The following SLC50A1 variants were observed in gnomAD, a reference collection of about 807,000 sequenced individuals.
The protein encoded by SLC50A1 is sugar transporter SWEET1.
A neutral mutation model predicts 28.9 loss-of-function variants in SLC50A1; 22 were observed. That is an observed-to-expected ratio of 0.76 (90% CI 0.54 to 1.09). SLC50A1 has a LOEUF of 1.09. SLC50A1 is among the 50% of genes least tolerant of loss of function. The pLI is 0.00. For synonymous variants in SLC50A1, 96 were observed against 110.6 expected (o/e 0.87, Z 0.83); for missense variants, 233 against 273.4 (o/e 0.85, Z 1.04).
rs1243845204 is a variant in SLC50A1, at chr1:155,136,876, C to T, written c.207C>T (p.Leu69=). The T allele has an allele frequency of 6.2e-7, 1 of 1,614,236 alleles. No homozygotes were observed. Among genetic ancestry groups the T allele is most frequent in the East Asian group, 2.2e-5 (1 of 44,888 alleles). The change falls in exon 3 of 6, where the codon CTC becomes CTT. Residue 69 remains leucine, a synonymous_variant. Coordinates refer to ENST00000368404, the MANE Select transcript of SLC50A1 (RefSeq NM_018845.4). ...GGGCTTTGAAGGGAGACGGGATCCT[C>T]ATCGTCGTCAACACAGTGGGTGCTG... is the stretch of plus-strand genomic sequence containing the variant. The part of the protein sequence containing the change: ...SYGALKGDGI[L]IVVNTVGAAL...
Position 155,136,121 on chromosome 1 carries a change from C to A in SLC50A1, c.80+130C>A. The A allele has an allele frequency of 2.1e-6, 2 of 940,358 alleles. 1 individual carries two copies. Among genetic ancestry groups the A allele is most frequent in the Non-Finnish European group, 2.8e-6 (2 of 708,446 alleles). 58.3% of individuals were successfully genotyped at this position (940,358 alleles called of 1,614,324 possible). On this transcript the variant is annotated intron_variant, in intron 1 of 5. Coordinates refer to ENST00000368404, the MANE Select transcript of SLC50A1 (RefSeq NM_018845.4). Reference sequence around the variant, plus strand: ...CAAAGTGGGATCGGGTCGAGGGGACCGGGGTACAAGGGCGAGGCTGGTCAC... The same window carrying A: ...CAAAGTGGGATCGGGTCGAGGGGACAGGGGTACAAGGGCGAGGCTGGTCAC...
rs750181706 is a variant in SLC50A1, at chr1:155,138,123, CAG to C, written c.564+26_564+27del. On this transcript the variant is annotated intron_variant, in intron 5 of 5. Coordinates refer to ENST00000368404, the MANE Select transcript of SLC50A1 (RefSeq NM_018845.4). ...GGTAAGCACAACTGGGATGGGGTGA[CAG>C]GGGTGCAAGATGGAAAACTGGCTCC... The C allele has an allele frequency of 3.3e-5, 53 of 1,614,164 alleles. 1 individual carries two copies. The South Asian group carries it at 5.5e-4, about 17-fold the overall frequency.
intron 1 of SLC50A1, 91 bp from the exon 2 acceptor site, chr1:155,136,208 T>C: frequency 9.7e-7 from 1 of 1,028,432 alleles, no homozygotes; most frequent in Non-Finnish European, 1.5e-6. Context: ...TCTGCGGTGG[T>C]CCGGAAAGGA....
Position 155,136,917 on chromosome 1 carries a change from A to G in SLC50A1, c.248A>G (p.Tyr83Cys), listed in dbSNP as rs1347521362. The change falls in exon 3 of 6, where the codon TAT becomes TGT. Residue 83 changes from tyrosine to cysteine, a missense_variant. Tyr to Cys is a radical substitution (Grantham distance 194). Transcript: ENST00000368404. ...NTVGAALQTL[Y>C]ILAYLHYCPR... ...GTGGGTGCTGCGCTTCAGACCCTGT[A>G]TATCTTGGCATATCTGCATTACTGC... 9 of 1,614,098 alleles carry G rather than the reference A, an allele frequency of 5.6e-6. No homozygotes were observed. The highest frequency in any genetic ancestry group is 7.6e-6 in the Non-Finnish European group (9 of 1,179,968).
At chr1:155,136,180 G>T (rs889824758) in intron 1 of SLC50A1, 119 bp from the exon 2 acceptor site, 17 of 865,364 alleles carry the variant, frequency 2.0e-5, no homozygotes, top group Non-Finnish European at 2.8e-5. Context: ...TAGCTGGCGG[G>T]GGGGAGAGGG....
At chr1:155,137,539 A>T (rs769146317) in intron 3 of SLC50A1, 22 bp from the exon 4 acceptor site, 1 of 1,613,216 alleles carries the variant, frequency 6.2e-7, no homozygotes, top group Admixed American at 1.7e-5. Context: ...ATCTGGAAGT[A>T]AGGGTACTCT....
rs1335929079 is a variant in SLC50A1 at position 155,138,535 on chromosome 1, C to A, written c.*254C>A. ...GTTGGGGTGCAATCTTTAGAATATG[C>A]CTTAAAAGGCCGGGCGCGGTGGCTC... is the stretch of plus-strand genomic sequence containing the variant. On this transcript the variant is annotated 3_prime_UTR_variant, in exon 6 of 6. Coordinates refer to ENST00000368404, the MANE Select transcript of SLC50A1 (RefSeq NM_018845.4). The A allele has an allele frequency of 4.2e-6, 2 of 479,416 alleles. No individual in the cohort carries two copies. The highest frequency in any genetic ancestry group is 3.6e-5 in the East Asian group (1 of 27,424). The allele number at this position is 479,416 out of a possible 1,614,324, so 29.7% of individuals were successfully genotyped here. A position where few individuals can be genotyped will look rare whatever the true frequency, so the allele number is the denominator to read the frequency against.
rs751851099 is a variant in SLC50A1, at chr1:155,136,299, C to T, written c.81C>T (p.Leu27=). The T allele has an allele frequency of 1.9e-6, 3 of 1,605,716 alleles. No homozygotes were observed. Among genetic ancestry groups the T allele is most frequent in the Non-Finnish European group, 2.6e-6 (3 of 1,175,836 alleles). The change falls in exon 2 of 6, where the codon CTC becomes CTT. Residue 27 remains leucine, a splice_region_variant and synonymous_variant. Coordinates refer to ENST00000368404, the MANE Select transcript of SLC50A1 (RefSeq NM_018845.4). ...CCCTCCCTTCGGGGCCCCATTACAG[C>T]TCGGACCTCAGGCACATGCGAATGA... ...VFTLGMFSAG[L]SDLRHMRMTR...
At chr1:155,136,648 C>T in intron 2 of SLC50A1, 180 bp from the exon 3 acceptor site, 1 of 904,120 alleles carries the variant, frequency 1.1e-6, no homozygotes, top group Non-Finnish European at 1.6e-6. Context: ...GAGGCTGAGG[C>T]AGGAGAATGG....
chr1:155,135,406 G>C, upstream of SLC50A1: 1 of 575,082 alleles, frequency 1.7e-6, no homozygotes, highest in Non-Finnish European at 3.0e-6. Context: ...TTGAGAAAAA[G>C]CTTCGGCAGC....
rs1664410090 is a variant in SLC50A1, at chr1:155,135,857, C to G, written c.-55C>G. 1 of 1,610,384 alleles carries G rather than the reference C, an allele frequency of 6.2e-7. No individual in the cohort carries two copies. ...CCGCAGGTCTGGGCTGCAGTAGGTC[C>G]CGGCAACCGCAGGCTCGCGGCGGGC... On this transcript the variant is annotated 5_prime_UTR_variant, in exon 1 of 6. Transcript: ENST00000368404.
chr1:155,135,691 G>A (rs12726330), upstream of SLC50A1: 21,255 of 1,550,288 alleles, frequency 0.014, 229 homozygotes, highest in Non-Finnish European at 0.015. Flanking sequence ...GTCTGGACCA[G>A]GGTACTGGGA....
At chr1:155,135,654 A>T (rs1347427636), upstream of SLC50A1, 7 of 1,550,364 alleles carry the variant, frequency 4.5e-6, no homozygotes, top group Non-Finnish European at 6.1e-6. Flanking sequence ...GAGCCCTAGG[A>T]AGGGGACTGA....
At chr1:155,136,430 C>G in intron 2 of SLC50A1, 54 bp downstream of exon 2, 46 of 1,384,834 alleles carry the variant, frequency 3.3e-5, no homozygotes, top group Middle Eastern at 1.8e-4. Context: ...GAGGTGGGGG[C>G]GGGGCAGGAG....
In SLC50A1 at chr1:155,136,293, T is replaced by G; in HGVS notation, c.81-6T>G. The G allele has an allele frequency of 7.7e-7, 1 of 1,294,144 alleles. No individual in the cohort carries two copies. Among genetic ancestry groups the G allele is most frequent in the African/African-American group, 1.5e-5 (1 of 68,806 alleles). The allele number at this position is 1,294,144 out of a possible 1,614,324, so 80.2% of individuals were successfully genotyped here. ...CCCCACCCCTCCCTTCGGGGCCCCATTACAGCTCGGACCTCAGGCACATGC... is the reference window on the plus strand; with the variant it reads ...CCCCACCCCTCCCTTCGGGGCCCCAGTACAGCTCGGACCTCAGGCACATGC... On this transcript the variant is annotated splice_region_variant and splice_polypyrimidine_tract_variant and intron_variant, in intron 1 of 5. Coordinates refer to ENST00000368404, the MANE Select transcript of SLC50A1 (RefSeq NM_018845.4).
chr1:155,136,013 G>A (rs1664431590), intron 1 of SLC50A1, 22 bp downstream of exon 1: 3 of 1,613,514 alleles, frequency 1.9e-6, no homozygotes, highest in Non-Finnish European at 2.5e-6. Context: ...GCCGGGCTGG[G>A]TTGGGGAGGA....
intron 3 of SLC50A1, chr1:155,137,240 C>G (rs1197155477): frequency 1.8e-6 from 1 of 545,874 alleles, no homozygotes; most frequent in African/African-American, 1.9e-5. Context: ...ATATTTCTTT[C>G]AGAGCCAGGG....
In SLC50A1 at chr1:155,137,643, C is replaced by G; in HGVS notation, c.365C>G (p.Pro122Arg). 2 of 1,614,206 alleles carry G rather than the reference C, an allele frequency of 1.2e-6. No individual in the cohort carries two copies. Among genetic ancestry groups the G allele is most frequent in the Non-Finnish European group, 1.7e-6 (2 of 1,180,026 alleles). Reference sequence around the variant, plus strand: ...TACTTTTGGCTCCTGGTACCCAACCCTGAGGCCCGGCTTCAGCAGTTGGGC... The same window carrying G: ...TACTTTTGGCTCCTGGTACCCAACCGTGAGGCCCGGCTTCAGCAGTTGGGC... ...YGYFWLLVPNPEARLQQLGLF... is the reference protein window; with the variant it reads ...YGYFWLLVPNREARLQQLGLF... Residue 122 changes from proline to arginine, a missense_variant, in exon 4 of 6, where the codon CCT becomes CGT. Pro to Arg is a moderately radical substitution (Grantham distance 103). Coordinates refer to ENST00000368404, the MANE Select transcript of SLC50A1 (RefSeq NM_018845.4).
chr1:155,137,810 G>T, intron 4 of SLC50A1, 88 bp downstream of exon 4: 1 of 1,583,664 alleles, frequency 6.3e-7, no homozygotes, highest in Non-Finnish European at 8.6e-7. Flanking sequence ...AGGAAGGGGA[G>T]ATCCAAACCC....
Sources: gnomAD v4.1 joint callset for allele counts on GRCh38, gnomAD v4.1.1 for gene constraint, MANE v1.5 for transcripts, NCBI Gene and HGNC (gene_info 2026-07-23, HGNC 2026-07-21) for gene names.